Variants in MSI2 observed in about 807,000 individuals in gnomAD.
MSI2 encodes musashi RNA binding protein 2, also known as RNA-binding protein Musashi homolog 2.
Under a neutral mutation model 45.6 loss-of-function variants are expected in MSI2, and 17 were observed. The observed-to-expected ratio is 0.37, with a 90% CI of 0.26 to 0.56. The LOEUF is 0.56. MSI2 is among the 20% of genes least tolerant of loss of function. MSI2 has a pLI of 0.77. For missense variants in MSI2, 293 were observed against 444.2 expected, an observed-to-expected ratio of 0.66 and a Z score of 3.06; for synonymous variants, 156 against 158.2, an observed-to-expected ratio of 0.99 and a Z score of 0.11.
intron 5 of MSI2, among the ~76,000 whole-genome samples, chr17:57,289,200 G>C (rs947911689): frequency 1.3e-5 from 2 of 152,186 alleles, no homozygotes; most frequent in African/African-American, 4.8e-5. Context: ...TGATTTCCAC[G>C]GCTCCTGCTG....
chr17:57,285,871 A>C, intron 5 of MSI2: 1 of 1,519,856 alleles, frequency 6.6e-7, no homozygotes, highest in Non-Finnish European at 8.8e-7. Flanking sequence ...TGATTTTCCG[A>C]ACAGGTGTTT....
At chr17:57,604,949 G>C (rs375382293) in intron 8 of MSI2, among the ~76,000 whole-genome samples, 1 of 139,646 alleles carries the variant, frequency 7.2e-6, no homozygotes, top group South Asian at 2.7e-4. Flanking sequence ...AAAGTGGTGG[G>C]TGTATTTGTG....
chr17:57,390,446 A>G (rs905444474), intron 5 of MSI2, among the ~76,000 whole-genome samples: 1 of 151,970 alleles, frequency 6.6e-6, no homozygotes, highest in African/African-American at 2.4e-5. Flanking sequence ...AGTTTTAACG[A>G]CCCCCACCCC....
chr17:57,538,760 G>A (rs895073232), intron 7 of MSI2, among the ~76,000 whole-genome samples: 2 of 152,192 alleles, frequency 1.3e-5, no homozygotes, highest in South Asian at 4.1e-4. Context: ...ATGCTTGCAT[G>A]TGCATGGAAT....
At chr17:57,580,361 C>G (rs2088168104) in intron 7 of MSI2, among the ~76,000 whole-genome samples, 2 of 152,198 alleles carry the variant, frequency 1.3e-5, no homozygotes, top group Admixed American at 6.5e-5. Flanking sequence ...GTGTTTCTGA[C>G]CCTGGCTTTA....
intron 6 of MSI2, among the ~76,000 whole-genome samples, chr17:57,506,497 G>C (rs1030544676): frequency 2.6e-5 from 4 of 152,182 alleles, no homozygotes; most frequent in Non-Finnish European, 4.4e-5. Flanking sequence ...CTGGCTGTGG[G>C]TCTGCTCTTT....
chr17:57,269,558 TGTGTGG>T (rs1908158432), intron 5 of MSI2, among the ~76,000 whole-genome samples: 1 of 152,136 alleles, frequency 6.6e-6, no homozygotes, highest in Non-Finnish European at 1.5e-5. Flanking sequence ...ACCTTTGGGG[TGTGTGG>T]CTGCTTACAA....
At chr17:57,270,515 G>A (rs1168476778) in intron 5 of MSI2, among the ~76,000 whole-genome samples, 1 of 152,242 alleles carries the variant, frequency 6.6e-6, no homozygotes, top group Non-Finnish European at 1.5e-5. Context: ...TAGCTGGAAA[G>A]CTTCAGGTTA....
Position 57,401,461 on chromosome 17 carries a change from A to C in MSI2, c.395A>C (p.Gln132Pro). ...VVEDVKQYFE[Q>P]FGKVEDAMLM... The stretch of plus-strand genomic sequence containing the variant: ...GAAGATGTAAAGCAATATTTCGAGC[A>C]GTTTGGCAAGGTAAGCGCTGGATGG... The change falls in exon 6 of 14, where the codon CAG (glutamine) becomes CCG (proline). Residue 132 changes from glutamine (Q) to proline (P), a missense_variant. Gln to Pro is a moderately conservative substitution (Grantham distance 76, BLOSUM62 -1). Coordinates refer to ENST00000284073, the MANE Select transcript of MSI2 (RefSeq NM_138962.4). The C allele has an allele frequency of 6.2e-7, 1 of 1,614,162 alleles. No individual in the cohort carries two copies. The highest frequency in any genetic ancestry group is 1.3e-5 in the African/African-American group (1 of 75,064).
chr17:57,318,753 G>A (rs1913080382), intron 5 of MSI2, among the ~76,000 whole-genome samples: 1 of 152,202 alleles, frequency 6.6e-6, no homozygotes, highest in African/African-American at 2.4e-5. Flanking sequence ...TTTGTGGCAA[G>A]TTTCCCCCTT....
intron 6 of MSI2, among the ~76,000 whole-genome samples, chr17:57,454,402 C>T (rs2085073488): frequency 6.6e-6 from 1 of 151,162 alleles, no homozygotes; most frequent in Non-Finnish European, 1.5e-5. Flanking sequence ...TCCTTCCTTC[C>T]TTCTTTCCTC....
At chr17:57,268,909 A>G (rs1321869331) in intron 5 of MSI2, among the ~76,000 whole-genome samples, 1 of 152,204 alleles carries the variant, frequency 6.6e-6, no homozygotes, top group African/African-American at 2.4e-5. Context: ...TACATCGTGG[A>G]CTTCCATTTA....
rs942906281 is a variant in MSI2 at position 57,681,829 on chromosome 17, AAAAG to A, written c.*2320_*2323del. 3 of 195,866 alleles carry A rather than the reference AAAAG, an allele frequency of 1.5e-5. No homozygotes were observed. The highest frequency in any genetic ancestry group is 2.3e-5 in the African/African-American group (1 of 43,342). 12.1% of individuals were successfully genotyped at this position (195,866 alleles called of 1,614,324 possible). ...AACATAAGTTTTATTTAAAAAAAAA[AAAAG>A]AAAGAAAAAATAGTAAATTCCCAGA... is the stretch of plus-strand genomic sequence containing the variant. On this transcript the variant is annotated 3_prime_UTR_variant, in exon 14 of 14. Coordinates refer to ENST00000284073, the MANE Select transcript of MSI2 (RefSeq NM_138962.4).
At chr17:57,421,094 G>C (rs1472560761) in intron 6 of MSI2, among the ~76,000 whole-genome samples, 2 of 152,186 alleles carry the variant, frequency 1.3e-5, no homozygotes, top group South Asian at 4.2e-4. Context: ...CTGTTCTGAG[G>C]TATAATTTAT....
chr17:57,545,301 A>T (rs2087138931), intron 7 of MSI2, among the ~76,000 whole-genome samples: 1 of 152,204 alleles, frequency 6.6e-6, no homozygotes, highest in Non-Finnish European at 1.5e-5. Flanking sequence ...TGCGCTGAAG[A>T]TGAAACTCCC....
intron 5 of MSI2, among the ~76,000 whole-genome samples, chr17:57,396,495 G>A (rs139094839): frequency 8.6e-5 from 13 of 151,932 alleles, no homozygotes; most frequent in African/African-American, 2.9e-4. Context: ...CCTAGTGACC[G>A]TTTCTGATGC....
At chr17:57,256,390 G>C, upstream of MSI2, 1 of 163,618 alleles carries the variant, frequency 6.1e-6, no homozygotes, top group Non-Finnish European at 1.3e-5. Flanking sequence ...GACGTCACCG[G>C]CATTGGTTAC....
rs140748942 is a variant in MSI2 at position 57,476,381 on chromosome 17, G to A, written c.406-53295G>A. 2.3e-4 allele frequency among the ~76,000 whole-genome samples: 35 copies of A among 152,314 alleles called. No individual in the cohort carries two copies. The East Asian group carries it at 5.6e-3, about 24-fold the overall frequency. On this transcript the variant is annotated intron_variant, in intron 6 of 13. Transcript: ENST00000284073. ...TGAGCAGAATGGGTCCCTCACATAG[G>A]TGGGAGCCTTCAACTAGACAACTGT...
At chr17:57,691,466 A>C in the MSI2 span, among the ~76,000 whole-genome samples, 1 of 152,206 alleles carries the variant, frequency 6.6e-6, no homozygotes, top group Non-Finnish European at 1.5e-5. Context: ...GATAATTGAC[A>C]TTTTAGCAAG....
Sources: allele counts gnomAD v4.1 joint callset (sites outside exome capture counted in the v4.1 genomes callset), GRCh38; gene constraint gnomAD v4.1.1; transcripts MANE v1.5; gene names NCBI Gene and HGNC (gene_info 2026-07-23, HGNC 2026-07-21).